MROH1: variants seen among roughly 807,000 people sequenced by gnomAD.
MROH1 encodes the protein maestro heat-like repeat-containing protein family member 1.
In MROH1, 117 loss-of-function variants were observed where a neutral mutation model predicts 116.5. The observed-to-expected ratio is 1.00, with a 90% CI of 0.86 to 1.17. MROH1 has a LOEUF of 1.17. Among genes scored for constraint, MROH1 ranks in the 50% most tolerant of loss-of-function variants. The pLI, the probability that MROH1 is intolerant of heterozygous loss-of-function variation, is 0.00. For synonymous variants in MROH1, 921 were observed against 583.9 expected (o/e 1.58, Z -8.32); for missense variants, 1,873 against 1,338.5 (o/e 1.40, Z -6.23).
rs1228043231 is a variant in MROH1, at chr8:144,244,556, TGTCATG to T, written c.2766+19_2766+24del. ...ATGATTGAGGTGTGCAGGGGGGAAC[TGTCATG>T]GGGATGGGGATGGGGGCACAGAGGG... On this transcript the variant is annotated intron_variant, in intron 28 of 43. Transcript: ENST00000326134. 3,471 of 742,188 alleles carry T rather than the reference TGTCATG, an allele frequency of 4.7e-3. 58 individuals are homozygous for T. The highest frequency in any genetic ancestry group is 0.046 in the African/African-American group (2,704 of 58,258). The allele number at this position is 742,188 out of a possible 1,614,324, so 46.0% of individuals were successfully genotyped here.
chr8:144,212,069 G>GTTTTTTTTTGT (rs1554813778), intron 12 of MROH1, among the ~76,000 whole-genome samples: 3 of 47,780 alleles, frequency 6.3e-5, no homozygotes, highest in Admixed American at 2.5e-4. Flanking sequence ...GAGAAGCTGT[G>GTTTTTTTTTGT]TTGTTTTTTT....
chr8:144,208,352 C>T (rs1307668993), intron 12 of MROH1, among the ~76,000 whole-genome samples: 1 of 151,714 alleles, frequency 6.6e-6, no homozygotes, highest in African/African-American at 2.4e-5. Context: ...GTCAGGTAAC[C>T]TTATGTATTA....
intron 12 of MROH1, among the ~76,000 whole-genome samples, chr8:144,201,777 C>T (rs11993998): frequency 0.06 from 9,125 of 152,008 alleles, 935 homozygotes; most frequent in African/African-American, 0.21. Context: ...CTTTGGGAGG[C>T]CATGGCGGGC....
Position 144,241,971 on chromosome 8 carries a change from C to T in MROH1, c.2179-398C>T, listed in dbSNP as rs1033176722. Among the ~76,000 whole-genome samples, 4 of 152,376 alleles carry T rather than the reference C, an allele frequency of 2.6e-5. No homozygotes were observed. In the South Asian group the frequency reaches 6.2e-4, roughly 24 times the overall value. Reference sequence around the variant, plus strand: ...TACAGCATCTCAGGGCTGGACCAAGCATGCAGGGCTTCCCAGCCCTTGCTG... The same window carrying T: ...TACAGCATCTCAGGGCTGGACCAAGTATGCAGGGCTTCCCAGCCCTTGCTG... On this transcript the variant is annotated intron_variant, in intron 22 of 43. Transcript: ENST00000326134.
At chr8:144,177,013 A>G (rs1187896061) in intron 4 of MROH1, among the ~76,000 whole-genome samples, 1 of 152,134 alleles carries the variant, frequency 6.6e-6, no homozygotes, top group Non-Finnish European at 1.5e-5. Flanking sequence ...GGGAAATCTA[A>G]CAGTGAAAAT....
intron 12 of MROH1, among the ~76,000 whole-genome samples, chr8:144,208,407 G>GTTT (rs112541953): frequency 1.4e-5 from 2 of 146,668 alleles, no homozygotes; most frequent in Admixed American, 6.8e-5. Context: ...GGTGGGTGGG[G>GTTT]TTTTTTTTTT....
At position 144,157,122 on chromosome 8, in the gene MROH1, A is replaced by G. The variant is rs1224596445; in HGVS notation, c.-176-3848A>G. ...AGGCGTGCGCCACCACGTCCAGCTA[A>G]TTTTTTTGTATTTTTAGTAGAGAAG... is the stretch of plus-strand genomic sequence containing the variant. On this transcript the variant is annotated intron_variant, in intron 1 of 43. Transcript: ENST00000326134. 2.0e-5 allele frequency among the ~76,000 whole-genome samples: 3 copies of G among 152,056 alleles called. No homozygotes were observed. The East Asian group carries it at 5.8e-4, about 29-fold the overall frequency.
intron 1 of MROH1, among the ~76,000 whole-genome samples, chr8:144,156,907 T>G (rs1385143573): frequency 6.7e-6 from 1 of 150,020 alleles, no homozygotes; most frequent in Non-Finnish European, 1.5e-5. Flanking sequence ...CTCAGCCTCC[T>G]GAGTAGCTGG....
At chr8:144,241,581 G>A in intron 22 of MROH1, 64 bp downstream of exon 22, 2 of 774,182 alleles carry the variant, frequency 2.6e-6, no homozygotes, top group Non-Finnish European at 2.4e-6. Flanking sequence ...GGCTCAGGGG[G>A]TGCCCTGCGG....
chr8:144,171,066 A>AGT (rs1228804070), intron 4 of MROH1, among the ~76,000 whole-genome samples: 1 of 152,252 alleles, frequency 6.6e-6, no homozygotes, highest in East Asian at 1.9e-4. Context: ...TCAGTTGTGC[A>AGT]GTGGACACCA....
intron 35 of MROH1, among the ~76,000 whole-genome samples, chr8:144,256,995 C>T (rs1843977038): frequency 6.6e-6 from 1 of 151,648 alleles, no homozygotes; most frequent in Admixed American, 6.6e-5. Context: ...GAGGCCCTGG[C>T]TCAGACCATG....
intron 20 of MROH1, 51 bp downstream of exon 20, chr8:144,240,728 G>A (rs1229317063): frequency 1.4e-6 from 1 of 707,812 alleles, no homozygotes; most frequent in Non-Finnish European, 2.6e-6. Context: ...CCGAGTTTCT[G>A]GGTCTCGTGT....
intron 12 of MROH1, chr8:144,214,193 C>T (rs1028488539): frequency 2.6e-5 from 4 of 152,252 alleles, no homozygotes; most frequent in African/African-American, 9.6e-5. Flanking sequence ...CTTTCTGTGG[C>T]TCCCACATAG....
At chr8:144,258,035 G>C (rs1844236858) in intron 35 of MROH1, among the ~76,000 whole-genome samples, 1 of 152,240 alleles carries the variant, frequency 6.6e-6, no homozygotes, top group East Asian at 1.9e-4. Context: ...GCAGCCAGGA[G>C]TGGAGCAGCC....
intron 14 of MROH1, among the ~76,000 whole-genome samples, chr8:144,236,630 C>T (rs1027969378): frequency 6.7e-4 from 102 of 151,922 alleles, no homozygotes; most frequent in African/African-American, 2.3e-3. Context: ...GTAATCTCAG[C>T]TACTCGGGAG....
At position 144,255,571 on chromosome 8, in the gene MROH1, C is replaced by T; in HGVS notation, c.3657C>T (p.Leu1219=). Residue 1219 remains leucine (L), a synonymous_variant, in exon 35 of 44, where the codon CTC becomes CTT. Coordinates refer to ENST00000326134, the MANE Select transcript of MROH1 (RefSeq NM_032450.3). The part of the protein sequence containing the change: ...TPAAGPAVLE[L]YPQLFVVLLL... ...CAGCGGGGCCCGCGGTGCTCGAGCT[C>T]TACCCCCAGCTGTTTGTGGTGCTTC... 2 of 779,418 alleles carry T rather than the reference C, an allele frequency of 2.6e-6. No individual in the cohort carries two copies. The highest frequency in any genetic ancestry group is 2.4e-5 in the East Asian group (1 of 41,250). 48.3% of individuals were successfully genotyped at this position (779,418 alleles called of 1,614,324 possible). A position where few individuals can be genotyped will look rare whatever the true frequency, so the allele number is the denominator to read the frequency against.
chr8:144,258,879 G>A lies in MROH1; in HGVS notation c.3894G>A (p.Ser1298=), dbSNP rs1016666505. 1.8e-5 allele frequency: 14 copies of A among 764,820 alleles called. No homozygotes were observed. Among genetic ancestry groups the A allele is most frequent in the Middle Eastern group, 3.5e-4 (1 of 2,826 alleles). 47.4% of individuals were successfully genotyped at this position (764,820 alleles called of 1,614,324 possible). ...GAGGCTGGGAACTGCTCAGGACCTC[G>A]GCGGGGCATGAGGAGGGGGCCACCA... The part of the protein sequence containing the change: ...LEGGWELLRT[S]AGHEEGATRL... Residue 1298 remains serine, a synonymous_variant, in exon 36 of 44, where the codon TCG becomes TCA. Transcript: ENST00000326134.
intron 14 of MROH1, among the ~76,000 whole-genome samples, chr8:144,227,350 T>TG (rs1044486128): frequency 2.0e-5 from 3 of 152,192 alleles, no homozygotes; most frequent in African/African-American, 7.2e-5. Flanking sequence ...TTAAGAATGC[T>TG]GGGGGCTGGG....
At chr8:144,150,226 G>T (rs1816391707) in intron 1 of MROH1, among the ~76,000 whole-genome samples, 1 of 152,324 alleles carries the variant, frequency 6.6e-6, no homozygotes, top group Admixed American at 6.5e-5. Context: ...TGACTGGCGG[G>T]TGTTTACTAA....
Sources: allele counts gnomAD v4.1 joint callset (sites outside exome capture counted in the v4.1 genomes callset), GRCh38; gene constraint gnomAD v4.1.1; transcripts MANE v1.5; gene names NCBI Gene and HGNC (gene_info 2026-07-23, HGNC 2026-07-21).